L3MBTL4: variants seen among roughly 807,000 people sequenced by gnomAD.
L3MBTL4 encodes the protein L3MBTL histone methyl-lysine binding protein 4.
Under a neutral mutation model 84.5 loss-of-function variants are expected in L3MBTL4, and 70 were observed. The observed-to-expected ratio is 0.83, with a 90% confidence interval of 0.68 to 1.01. L3MBTL4 has a LOEUF of 1.01. Ranked by LOEUF, L3MBTL4 falls within the 50% of genes least tolerant of loss-of-function variation. The pLI, the probability that L3MBTL4 is intolerant of heterozygous loss-of-function variation, is 0.00. For missense variants in L3MBTL4, 715 were observed against 754.8 expected (o/e 0.95, Z 0.62); for synonymous variants, 274 against 259.8 (o/e 1.05, Z -0.52).
intron 13 of L3MBTL4, among the ~76,000 whole-genome samples, chr18:6,157,857 C>T (rs1438901613): frequency 2.0e-5 from 3 of 152,116 alleles, no homozygotes; most frequent in Non-Finnish European, 2.9e-5. Flanking sequence ...AAAGAAAGAA[C>T]AATGACACAA....
intron 1 of L3MBTL4, among the ~76,000 whole-genome samples, chr18:6,314,165 C>T (rs192475845): frequency 1.3e-5 from 2 of 152,252 alleles, no homozygotes; most frequent in African/African-American, 4.8e-5. Context: ...ATATTCTACT[C>T]AACCGAATAG....
chr18:6,074,757 A>G (rs1598652691), intron 16 of L3MBTL4, among the ~76,000 whole-genome samples: 4 of 152,140 alleles, frequency 2.6e-5, no homozygotes, highest in Non-Finnish European at 5.9e-5. Context: ...GGGTGCTGGT[A>G]CATAGATGTT....
At chr18:6,029,714 G>T (rs760435617) in intron 16 of L3MBTL4, 59 of 985,052 alleles carry the variant, frequency 6.0e-5, no homozygotes, top group Admixed American at 1.8e-4. Flanking sequence ...AAAATTAAAA[G>T]TTAAATCATA....
At chr18:6,054,827 T>A (rs974417801) in intron 16 of L3MBTL4, among the ~76,000 whole-genome samples, 11 of 152,348 alleles carry the variant, frequency 7.2e-5, no homozygotes, top group African/African-American at 2.6e-4. Flanking sequence ...CATGGTTCTG[T>A]GGAAATGCCG....
At chr18:6,168,322 AG>A (rs1450578050) in intron 13 of L3MBTL4, among the ~76,000 whole-genome samples, 1 of 152,204 alleles carries the variant, frequency 6.6e-6, no homozygotes, top group African/African-American at 2.4e-5. Flanking sequence ...ATTGGAAAAA[AG>A]CTACTTTAAA....
At chr18:6,119,841 T>C (rs956564479) in intron 14 of L3MBTL4, among the ~76,000 whole-genome samples, 3 of 152,148 alleles carry the variant, frequency 2.0e-5, no homozygotes, top group Non-Finnish European at 2.9e-5. Flanking sequence ...TGTCTGGGAA[T>C]AGGAGAAAGA....
chr18:6,085,269 T>A (rs2058221293), intron 15 of L3MBTL4, among the ~76,000 whole-genome samples: 1 of 152,110 alleles, frequency 6.6e-6, no homozygotes. Flanking sequence ...ATGAGTTCGG[T>A]ATGCCTACAC....
intron 17 of L3MBTL4, among the ~76,000 whole-genome samples, chr18:5,963,803 A>G (rs1274685343): frequency 6.6e-6 from 1 of 152,226 alleles, no homozygotes; most frequent in Non-Finnish European, 1.5e-5. Flanking sequence ...TAATATCAAG[A>G]AGTTTCCCTC....
chr18:6,253,395 C>T lies in L3MBTL4; in HGVS notation c.220-8807G>A, dbSNP rs147643353. On this transcript the variant is annotated intron_variant, in intron 5 of 18. Coordinates refer to ENST00000317931, the MANE Select transcript of L3MBTL4 (RefSeq NM_001330559.2). The stretch of plus-strand genomic sequence containing the variant: ...AAGTTCTATTACATTTAGAAAGTTG[C>T]AACAGCCTTGACAACTGATAATGAG... Among the ~76,000 whole-genome samples, 121 of 152,300 alleles carry T rather than the reference C, an allele frequency of 7.9e-4. 1 individual carries two copies. Among genetic ancestry groups the T allele is most frequent in the African/African-American group, 2.8e-3 (118 of 41,574 alleles).
At chr18:6,180,120 T>C (rs1034041360) in intron 12 of L3MBTL4, among the ~76,000 whole-genome samples, 18 of 152,094 alleles carry the variant, frequency 1.2e-4, no homozygotes, top group African/African-American at 4.3e-4. Context: ...TATAACTGAC[T>C]AAATGAGGGA....
chr18:6,380,295 G>A (rs1016724824), intron 1 of L3MBTL4, among the ~76,000 whole-genome samples: 15 of 152,112 alleles, frequency 9.9e-5, no homozygotes, highest in African/African-American at 3.6e-4. Flanking sequence ...TTTTTGAAGG[G>A]TTTTTCGTGT....
chr18:6,097,936 T>G (rs1265581302), intron 14 of L3MBTL4, among the ~76,000 whole-genome samples: 3 of 152,190 alleles, frequency 2.0e-5, no homozygotes, highest in African/African-American at 7.2e-5. Context: ...GTCTTCTATG[T>G]GCTTCTCACC....
At chr18:6,064,834 TTTTTATTTC>T (rs926146501) in intron 16 of L3MBTL4, among the ~76,000 whole-genome samples, 31 of 151,962 alleles carry the variant, frequency 2.0e-4, no homozygotes, top group African/African-American at 7.0e-4. Context: ...CTTCAGATGC[TTTTTATTTC>T]TTTCCCTTGT....
chr18:5,971,494 T>C (rs6506355), intron 16 of L3MBTL4, among the ~76,000 whole-genome samples: 25,566 of 152,210 alleles, frequency 0.17, 4,127 homozygotes, highest in African/African-American at 0.42. Flanking sequence ...TAATCATGCA[T>C]AGTTTCCAAA....
At chr18:6,115,134 G>A (rs1157538994) in intron 14 of L3MBTL4, among the ~76,000 whole-genome samples, 3 of 152,320 alleles carry the variant, frequency 2.0e-5, no homozygotes, top group Non-Finnish European at 4.4e-5. Flanking sequence ...CTTGAGTGCA[G>A]CTACAGTGTT....
chr18:5,958,128 AAAAAG>A (rs1419986967), intron 18 of L3MBTL4, among the ~76,000 whole-genome samples: 105 of 44,412 alleles, frequency 2.4e-3, no homozygotes, highest in Non-Finnish European at 3.5e-3. Context: ...GAAGAAGAAG[AAAAAG>A]AAGAAGAAGA....
chr18:6,101,275 C>T (rs1290206359), intron 14 of L3MBTL4, among the ~76,000 whole-genome samples: 1 of 152,106 alleles, frequency 6.6e-6, no homozygotes, highest in East Asian at 1.9e-4. Context: ...TGTGCTGTTC[C>T]CTGGGTCTCC....
intron 13 of L3MBTL4, 52 bp from the exon 14 acceptor site, chr18:6,138,348 G>T: frequency 1.8e-6 from 2 of 1,102,876 alleles, no homozygotes; most frequent in Non-Finnish European, 2.7e-6. Context: ...AAAGAAGACT[G>T]CAAATCTGAA....
At chr18:6,141,194 G>A (rs2060185327) in intron 13 of L3MBTL4, among the ~76,000 whole-genome samples, 2 of 151,942 alleles carry the variant, frequency 1.3e-5, no homozygotes, top group Non-Finnish European at 2.9e-5. Context: ...TGGAATTGCT[G>A]TTGTCCACTG....
Sources: gnomAD v4.1 joint callset for allele counts (sites outside exome capture counted in the v4.1 genomes callset) on GRCh38, gnomAD v4.1.1 for gene constraint, MANE v1.5 for transcripts, NCBI Gene and HGNC (gene_info 2026-07-23, HGNC 2026-07-21) for gene names.